The following TNKS2 variants were observed in gnomAD, a reference collection of about 807,000 sequenced individuals.
The protein encoded by TNKS2 is tankyrase 2, also known as poly [ADP-ribose] polymerase tankyrase-2.
Under a neutral mutation model 137.6 loss-of-function variants are expected in TNKS2, and 72 were observed. That is an observed-to-expected ratio of 0.52 (90% CI 0.43 to 0.64). The LOEUF (loss-of-function observed/expected upper bound fraction) is 0.64. TNKS2 is among the 30% of genes least tolerant of loss of function. The pLI is 0.00. For synonymous variants in TNKS2, 516 were observed against 512.1 expected, an observed-to-expected ratio of 1.01 and a Z score of -0.10; for missense variants, 1,049 against 1,410.2, an observed-to-expected ratio of 0.74 and a Z score of 4.10.
chr10:91,840,360 A>G (rs747273449), intron 13 of TNKS2, among the ~76,000 whole-genome samples: 8 of 152,162 alleles, frequency 5.3e-5, no homozygotes, highest in Non-Finnish European at 1.2e-4. Context: ...TAAGACAAAA[A>G]AAAAGGGCAT....
intron 1 of TNKS2, among the ~76,000 whole-genome samples, chr10:91,810,920 CTTTTTTTTTTTT>C (rs35240102): frequency 2.0e-5 from 1 of 50,124 alleles, no homozygotes; most frequent in Admixed American, 3.2e-4. Context: ...CTTTTCTTTT[CTTTTTTTTTTTT>C]TTTTTTTTTT....
At chr10:91,827,533 G>T (rs898522716) in intron 8 of TNKS2, among the ~76,000 whole-genome samples, 1 of 152,132 alleles carries the variant, frequency 6.6e-6, no homozygotes, top group African/African-American at 2.4e-5. Flanking sequence ...TGAAGCTTAT[G>T]AATTTGTGAA....
intron 1 of TNKS2, among the ~76,000 whole-genome samples, chr10:91,809,799 A>G (rs902194684): frequency 3.9e-5 from 6 of 152,068 alleles, no homozygotes; most frequent in African/African-American, 1.4e-4. Flanking sequence ...TGCCAAGGTG[A>G]TCTTTCTTTA....
intron 7 of TNKS2, among the ~76,000 whole-genome samples, chr10:91,823,537 G>C (rs1399732864): frequency 6.6e-6 from 1 of 151,922 alleles, no homozygotes; most frequent in African/African-American, 2.4e-5. Flanking sequence ...ATGTTGGCCA[G>C]GCTGGTCTTG....
In TNKS2 at chr10:91,848,513, C is replaced by G; in HGVS notation, c.2489C>G (p.Ser830Cys). Residue 830 changes from serine (S) to cysteine (C), a missense_variant, in exon 19 of 27, where the codon TCT becomes TGT. Physicochemically the swap from Ser to Cys is moderately radical, Grantham distance 112 (BLOSUM62 -1). Transcript: ENST00000371627. ...GCAGATGCTCTCTCTTCAGGTCCAT[C>G]TAGCCCATCAAGCCTTTCTGCAGCC... ...ATADALSSGP[S>C]SPSSLSAASS... 1 of 1,614,166 alleles carries G rather than the reference C, an allele frequency of 6.2e-7. No homozygotes were observed. The highest frequency in any genetic ancestry group is 8.5e-7 in the Non-Finnish European group (1 of 1,180,040).
At chr10:91,829,410 T>C (rs1049499105) in intron 9 of TNKS2, among the ~76,000 whole-genome samples, 18 of 150,980 alleles carry the variant, frequency 1.2e-4, no homozygotes, top group Admixed American at 5.9e-4. Flanking sequence ...TCATAACTAC[T>C]GTGAAGCAAC....
At position 91,819,499 on chromosome 10, in the gene TNKS2, A is replaced by C; in HGVS notation, c.575A>C (p.Lys192Thr). The change falls in exon 5 of 27, where the codon AAA (lysine) becomes ACA (threonine). Residue 192 changes from lysine to threonine, a missense_variant. Transcript: ENST00000371627. Reference protein sequence around the residue: ...LESARSGNEEKMMALLTPLNV... With the variant: ...LESARSGNEETMMALLTPLNV... ...TATTCTAGGAGTGGCAATGAAGAAA[A>C]AATGATGGCTCTACTCACACCATTA... 6.3e-7 allele frequency: 1 copy of C among 1,585,860 alleles called. No individual in the cohort carries two copies. The highest frequency in any genetic ancestry group is 8.5e-7 in the Non-Finnish European group (1 of 1,171,380).
chr10:91,807,820 C>A (rs1320604505), intron 1 of TNKS2, among the ~76,000 whole-genome samples: 1 of 151,932 alleles, frequency 6.6e-6, no homozygotes, highest in African/African-American at 2.4e-5. Context: ...TGGTGAAACC[C>A]CCCCTTTACT....
At chr10:91,860,307 CAGTT>C (rs557300657) in intron 25 of TNKS2, among the ~76,000 whole-genome samples, 211 of 152,240 alleles carry the variant, frequency 1.4e-3, no homozygotes, top group East Asian at 3.3e-3. Context: ...ATTTATTCGA[CAGTT>C]AGGGCACTGC....
At chr10:91,818,544 G>C (rs1002878272) in intron 3 of TNKS2, among the ~76,000 whole-genome samples, 7 of 152,096 alleles carry the variant, frequency 4.6e-5, no homozygotes, top group Admixed American at 4.6e-4. Context: ...GTGTGTGCAT[G>C]TGTGTGTATC....
At chr10:91,835,066 A>G (rs988096099) in intron 12 of TNKS2, among the ~76,000 whole-genome samples, 3 of 152,156 alleles carry the variant, frequency 2.0e-5, no homozygotes, top group African/African-American at 4.8e-5. Flanking sequence ...TCAGCACTAG[A>G]TGTTACAATT....
chr10:91,824,307 C>T (rs1844999764), intron 7 of TNKS2, among the ~76,000 whole-genome samples: 1 of 152,188 alleles, frequency 6.6e-6, no homozygotes, highest in Admixed American at 6.5e-5. Flanking sequence ...AGCAAACACC[C>T]AGTGACTGCT....
Position 91,865,002 on chromosome 10 carries a change from C to G in TNKS2, c.*2003C>G, listed in dbSNP as rs1254823912. The G allele has an allele frequency of 6.6e-6, 1 of 152,126 alleles. No homozygotes were observed. The highest frequency in any genetic ancestry group is 2.4e-5 in the African/African-American group (1 of 41,278). The allele number at this position is 152,126 out of a possible 1,614,324, so 9.4% of individuals were successfully genotyped here. On this transcript the variant is annotated 3_prime_UTR_variant, in exon 27 of 27. Coordinates refer to ENST00000371627, the MANE Select transcript of TNKS2 (RefSeq NM_025235.4). ...TGTGTTTTTCCATGAATGAATATAC[C>G]GTGGTTCATATGTTAGCATGGCAGC... is the stretch of plus-strand genomic sequence containing the variant.
intron 20 of TNKS2, 111 bp from the exon 21 acceptor site, chr10:91,851,105 T>A: frequency 2.2e-6 from 3 of 1,357,486 alleles, no homozygotes; most frequent in Non-Finnish European, 3.0e-6. Context: ...TTTAGAAATG[T>A]TTAAAATAAT....
At chr10:91,823,397 G>A (rs2421701) in intron 7 of TNKS2, among the ~76,000 whole-genome samples, 98,121 of 140,994 alleles carry the variant, frequency 0.7, 35,219 homozygotes, top group East Asian at 0.91. Context: ...GCGCAATCTC[G>A]GCTCACTGCA....
intron 6 of TNKS2, among the ~76,000 whole-genome samples, chr10:91,822,042 CAT>C (rs978670600): frequency 2.0e-5 from 3 of 152,074 alleles, no homozygotes; most frequent in African/African-American, 7.2e-5. Flanking sequence ...GGAGAAATAA[CAT>C]AGACCCAAAC....
At chr10:91,802,223 AT>A (rs557767694) in intron 1 of TNKS2, among the ~76,000 whole-genome samples, 1 of 152,158 alleles carries the variant, frequency 6.6e-6, no homozygotes, top group East Asian at 1.9e-4. Context: ...ATAAGAGGGG[AT>A]TTTTTTATTC....
intron 25 of TNKS2, 113 bp from the exon 26 acceptor site, chr10:91,861,886 A>T (rs1842862039): frequency 4.4e-6 from 4 of 919,096 alleles, no homozygotes; most frequent in Non-Finnish European, 6.3e-6. Flanking sequence ...GATAAAAACA[A>T]TTATAAGTAT....
intron 2 of TNKS2, among the ~76,000 whole-genome samples, chr10:91,814,002 T>G (rs1301254618): frequency 6.6e-6 from 1 of 152,226 alleles, no homozygotes; most frequent in African/African-American, 2.4e-5. Flanking sequence ...TTTACTATAC[T>G]TTTTATTGTG....
Sources: allele counts gnomAD v4.1 joint callset (sites outside exome capture counted in the v4.1 genomes callset), GRCh38; gene constraint gnomAD v4.1.1; transcripts MANE v1.5; gene names NCBI Gene and HGNC (gene_info 2026-07-23, HGNC 2026-07-21).